The following CRYBG1 variants were observed in gnomAD, a reference collection of about 807,000 sequenced individuals.
CRYBG1 encodes crystallin beta-gamma domain containing 1, also known as beta/gamma crystallin domain-containing protein 1.
In CRYBG1, 139 loss-of-function variants were observed where a neutral mutation model predicts 189.2. That is an observed-to-expected ratio of 0.73 (90% CI 0.64 to 0.85). CRYBG1 has a LOEUF of 0.85. Ranked by LOEUF, CRYBG1 falls within the 40% of genes least tolerant of loss-of-function variation. The pLI, the probability that CRYBG1 is intolerant of heterozygous loss-of-function variation, is 0.00. For missense variants in CRYBG1, 2,611 were observed against 2,675.8 expected (o/e 0.98, Z 0.53); for synonymous variants, 1,023 against 1,017.1 (o/e 1.01, Z -0.11).
chr6:106,544,662 A>C lies in CRYBG1; in HGVS notation c.5131A>C (p.Asn1711His). Residue 1711 changes from asparagine to histidine, a missense_variant, in exon 12 of 22, where the codon AAT becomes CAT. Coordinates refer to ENST00000633556, the MANE Select transcript of CRYBG1 (RefSeq NM_001371242.2). ...GGACTGGAAAGCCTGGGGAGGTTAC[A>C]ATGGAGAGCTTCAGTCTTTACGACC... ...YRDWKAWGGY[N>H]GELQSLRPIL... 6.2e-7 allele frequency: 1 copy of C among 1,614,144 alleles called. No homozygotes were observed. Among genetic ancestry groups the C allele is most frequent in the Non-Finnish European group, 8.5e-7 (1 of 1,180,002 alleles).
intron 1 of CRYBG1, chr6:106,420,671 C>T (rs1406638632): frequency 1.3e-5 from 2 of 152,804 alleles, no homozygotes; most frequent in African/African-American, 4.8e-5. Context: ...CACATAATCC[C>T]TTTGGCAAAA....
chr6:106,464,865 G>A, intron 2 of CRYBG1, among the ~76,000 whole-genome samples: 1 of 152,116 alleles, frequency 6.6e-6, no homozygotes, highest in African/African-American at 2.4e-5. Flanking sequence ...TATTGAATTT[G>A]TTCAGATATT....
chr6:106,513,718 G>A (rs759844619), intron 3 of CRYBG1, among the ~76,000 whole-genome samples: 1 of 152,312 alleles, frequency 6.6e-6, no homozygotes, highest in Non-Finnish European at 1.5e-5. Context: ...GCTGTGACAG[G>A]TGTGAGTTTA....
rs553164134 is a variant in CRYBG1, at chr6:106,430,922, C to T, written c.174-20772C>T. Among the ~76,000 whole-genome samples the T allele has an allele frequency of 1.2e-4, 19 of 152,198 alleles. No homozygotes were observed. The East Asian group carries it at 2.1e-3, about 17-fold the overall frequency. ...TGTCACCCAGGCTGCAGTGCAGTGG[C>T]GTGATCTCGGCTCACTGCAACCACC... On this transcript the variant is annotated intron_variant, in intron 1 of 21. Coordinates refer to ENST00000633556, the MANE Select transcript of CRYBG1 (RefSeq NM_001371242.2).
chr6:106,527,553 A>C (rs1411942166), intron 7 of CRYBG1, 83 bp downstream of exon 7: 3 of 1,421,132 alleles, frequency 2.1e-6, no homozygotes, highest in Non-Finnish European at 2.9e-6. Flanking sequence ...ATTTTACGAA[A>C]TATGTGATTG....
At chr6:106,386,556 A>G (rs1161867061) in intron 1 of CRYBG1, among the ~76,000 whole-genome samples, 1 of 152,080 alleles carries the variant, frequency 6.6e-6, no homozygotes, top group Non-Finnish European at 1.5e-5. Flanking sequence ...TGCTAATGTT[A>G]ATCTGTATTT....
chr6:106,421,715 G>A (rs985375765), intron 1 of CRYBG1, among the ~76,000 whole-genome samples: 2 of 152,138 alleles, frequency 1.3e-5, no homozygotes, highest in African/African-American at 4.8e-5. Context: ...GGCATCCACA[G>A]CTGTATTAGT....
chr6:106,409,194 A>G (rs768614994), intron 1 of CRYBG1, among the ~76,000 whole-genome samples: 1 of 152,064 alleles, frequency 6.6e-6, no homozygotes, highest in African/African-American at 2.4e-5. Context: ...TACAAAATCA[A>G]TGCAAAAATC....
chr6:106,537,109 A>G (rs1774022048), intron 8 of CRYBG1, among the ~76,000 whole-genome samples: 1 of 152,198 alleles, frequency 6.6e-6, no homozygotes. Flanking sequence ...ACCCAGAATG[A>G]CTTTCCTTCC....
intron 2 of CRYBG1, among the ~76,000 whole-genome samples, chr6:106,468,618 A>G (rs888861392): frequency 3.3e-5 from 5 of 152,284 alleles, no homozygotes; most frequent in African/African-American, 1.2e-4. Flanking sequence ...TGAACCCACT[A>G]GATGGAGGCT....
At chr6:106,530,636 G>A (rs1773857562) in intron 8 of CRYBG1, among the ~76,000 whole-genome samples, 1 of 151,612 alleles carries the variant, frequency 6.6e-6, no homozygotes, top group Non-Finnish European at 1.5e-5. Context: ...ATTCAGAGGA[G>A]GTAATTCAAA....
At chr6:106,493,130 A>G (rs73515126) in intron 2 of CRYBG1, among the ~76,000 whole-genome samples, 104 of 152,320 alleles carry the variant, frequency 6.8e-4, no homozygotes, top group African/African-American at 2.4e-3. Context: ...GTAAAATTAG[A>G]TATCACTATC....
At chr6:106,481,220 C>T (rs1431929752) in intron 2 of CRYBG1, among the ~76,000 whole-genome samples, 1 of 59,488 alleles carries the variant, frequency 1.7e-5, no homozygotes, top group Non-Finnish European at 2.9e-5. Flanking sequence ...GTGATCCGCC[C>T]GCCTCGGCCT....
At chr6:106,554,899 A>T (rs183508672) in intron 16 of CRYBG1, among the ~76,000 whole-genome samples, 206 of 151,506 alleles carry the variant, frequency 1.4e-3, no homozygotes, top group African/African-American at 4.8e-3. Context: ...AGGCACGGTG[A>T]CTCACACCTG....
chr6:106,376,087 C>A (rs891643506), intron 1 of CRYBG1, among the ~76,000 whole-genome samples: 2 of 152,282 alleles, frequency 1.3e-5, no homozygotes, highest in African/African-American at 2.4e-5. Context: ...TAAGGGAGGA[C>A]TGCTATAGTT....
intron 2 of CRYBG1, among the ~76,000 whole-genome samples, chr6:106,487,412 C>A (rs564747370): frequency 2.9e-4 from 44 of 152,106 alleles, no homozygotes; most frequent in Non-Finnish European, 5.1e-4. Context: ...TTAATTATCA[C>A]CCATTTGTTT....
intron 2 of CRYBG1, among the ~76,000 whole-genome samples, chr6:106,503,608 A>C (rs910650860): frequency 1.3e-5 from 2 of 152,242 alleles, no homozygotes; most frequent in African/African-American, 4.8e-5. Context: ...GGTGCGGAGA[A>C]AATTCTGGCA....
At chr6:106,494,818 T>C (rs1772807510) in intron 2 of CRYBG1, among the ~76,000 whole-genome samples, 3 of 152,218 alleles carry the variant, frequency 2.0e-5, no homozygotes, top group Admixed American at 2.0e-4. Context: ...ATGTAGTTTG[T>C]AGTGTATAAT....
intron 2 of CRYBG1, chr6:106,454,691 A>T (rs932106139): frequency 1.3e-5 from 2 of 152,268 alleles, no homozygotes; most frequent in Non-Finnish European, 2.9e-5. Flanking sequence ...TTTCCAAAAC[A>T]ACCAGAATTT....
Sources: gnomAD v4.1 joint callset for allele counts (sites outside exome capture counted in the v4.1 genomes callset) on GRCh38, gnomAD v4.1.1 for gene constraint, MANE v1.5 for transcripts, NCBI Gene and HGNC (gene_info 2026-07-23, HGNC 2026-07-21) for gene names.